The following SAE1 variants were observed in gnomAD, a reference collection of about 807,000 sequenced individuals.
The protein encoded by SAE1 is SUMO-activating enzyme subunit 1.
SAE1 carries 11 observed loss-of-function variants against 40.6 expected under a neutral mutation model. The ratio of observed to expected loss-of-function variants is 0.27; its 90% CI spans 0.17 to 0.45. The LOEUF is 0.45. Among genes scored for constraint, SAE1 ranks in the 20% least tolerant of loss-of-function variants. The pLI, the probability that SAE1 is intolerant of heterozygous loss-of-function variation, is 1.00. For missense variants in SAE1, 373 were observed against 427.3 expected (o/e 0.87, Z 1.12); for synonymous variants, 155 against 154.3 (o/e 1.00, Z -0.03).
intron 6 of SAE1, among the ~76,000 whole-genome samples, chr19:47,172,133 G>C (rs1391517235): frequency 6.6e-6 from 1 of 152,162 alleles, no homozygotes; most frequent in East Asian, 1.9e-4. Context: ...TGGCCAGGCT[G>C]GCCTCAAACT....
chr19:47,162,415 T>C (rs1231938023), intron 5 of SAE1, among the ~76,000 whole-genome samples: 1 of 152,228 alleles, frequency 6.6e-6, no homozygotes, highest in East Asian at 1.9e-4. Flanking sequence ...CCCGTTAAGT[T>C]ACTCTCAAGT....
At position 47,204,187 on chromosome 19, in the gene SAE1, C is replaced by CTTTTTTTTTTTTT. The variant is rs57736880; in HGVS notation, c.948+463_948+475dup. ...CATCACCATGACATCAAAGCCCTCC[C>CTTTTTTTTTTTTT]TTTTTTTTTTTTTTTTTTTTTTTTT... On this transcript the variant is annotated intron_variant, in intron 8 of 8. Transcript: ENST00000270225. Among the ~76,000 whole-genome samples the CTTTTTTTTTTTTT allele has an allele frequency of 3.7e-5, 3 of 82,126 alleles. 1 individual carries two copies. Among genetic ancestry groups the CTTTTTTTTTTTTT allele is most frequent in the African/African-American group, 1.7e-4 (3 of 17,236 alleles). 53.9% of individuals were successfully genotyped at this position (82,126 alleles called of 152,430 possible). A position where few individuals can be genotyped will look rare whatever the true frequency, so the allele number is the denominator to read the frequency against.
At chr19:47,137,917 C>T (rs576067576) in intron 1 of SAE1, among the ~76,000 whole-genome samples, 2 of 151,778 alleles carry the variant, frequency 1.3e-5, no homozygotes, top group South Asian at 2.1e-4. Context: ...TTAGTAGAGA[C>T]GGGGTTTTAC....
At chr19:47,200,339 ACT>A (rs991483561) in intron 7 of SAE1, among the ~76,000 whole-genome samples, 9 of 135,842 alleles carry the variant, frequency 6.6e-5, no homozygotes, top group African/African-American at 2.0e-4. Flanking sequence ...CTCAGGCAAC[ACT>A]CTCATCTCGG....
chr19:47,203,162 G>T (rs1324713585), intron 7 of SAE1, among the ~76,000 whole-genome samples: 1 of 152,164 alleles, frequency 6.6e-6, no homozygotes, highest in Non-Finnish European at 1.5e-5. Flanking sequence ...CCCCATCCTG[G>T]CCCAGAAGGG....
At chr19:47,163,247 C>T (rs1341814455) in intron 5 of SAE1, among the ~76,000 whole-genome samples, 1 of 140,302 alleles carries the variant, frequency 7.1e-6, no homozygotes, top group African/African-American at 2.7e-5. Flanking sequence ...GCTTGGAGTA[C>T]ATCCAAAAAA....
intron 6 of SAE1, chr19:47,180,401 A>AACAAGGAATT (rs2123275792): frequency 2.7e-6 from 1 of 376,202 alleles, no homozygotes; most frequent in African/African-American, 2.1e-5. Flanking sequence ...AATTAATGTA[A>AACAAGGAATT]ACAAGGAATT....
At chr19:47,163,921 T>G (rs1600173691) in intron 5 of SAE1, among the ~76,000 whole-genome samples, 1 of 150,162 alleles carries the variant, frequency 6.7e-6, no homozygotes, top group Non-Finnish European at 1.5e-5. Context: ...AGGCTTGTGC[T>G]ACCACACCCG....
At chr19:47,151,398 G>C (rs373841441) in intron 3 of SAE1, among the ~76,000 whole-genome samples, 3 of 152,188 alleles carry the variant, frequency 2.0e-5, no homozygotes, top group South Asian at 4.1e-4. Context: ...TAATCCACCT[G>C]CCTCGGCCTC....
chr19:47,178,976 A>C (rs74831440), intron 6 of SAE1, among the ~76,000 whole-genome samples: 164 of 150,674 alleles, frequency 1.1e-3, no homozygotes, highest in African/African-American at 3.8e-3. Flanking sequence ...GGTGGCTCAC[A>C]GGGTCAGGAG....
intron 6 of SAE1, among the ~76,000 whole-genome samples, chr19:47,182,499 G>GCGCA (rs1300606747): frequency 5.4e-5 from 8 of 148,176 alleles, no homozygotes; most frequent in South Asian, 2.1e-4. Context: ...GTGTGTGTGC[G>GCGCA]CGCACGCACG....
intron 6 of SAE1, among the ~76,000 whole-genome samples, chr19:47,193,825 C>CAAAA (rs1174941973): frequency 1.1e-5 from 1 of 87,810 alleles, no homozygotes. Context: ...AAGATTGTCT[C>CAAAA]AAAAAAAAAA....
At chr19:47,204,505 C>T (rs1457475283) in intron 8 of SAE1, among the ~76,000 whole-genome samples, 1 of 140,302 alleles carries the variant, frequency 7.1e-6, no homozygotes, top group African/African-American at 2.7e-5. Context: ...GCCGCACCCC[C>T]CCCCTTTTTT....
chr19:47,162,819 C>G (rs1397298341), intron 5 of SAE1, among the ~76,000 whole-genome samples: 2 of 151,978 alleles, frequency 1.3e-5, no homozygotes, highest in Non-Finnish European at 2.9e-5. Context: ...GGCTAAAACC[C>G]CTTCTCTACC....
Position 47,149,623 on chromosome 19 carries a change from G to T in SAE1, c.211-579G>T, listed in dbSNP as rs536416062. Among the ~76,000 whole-genome samples the T allele has an allele frequency of 7.9e-5, 12 of 152,206 alleles. No individual in the cohort carries two copies. The South Asian group carries it at 2.1e-3, about 26-fold the overall frequency. Reference sequence around the variant, plus strand: ...GTCATTTGTTAGCAGTTACAAATTTGCATAGAAGAAGAAAGCATGGATTTT... The same window carrying T: ...GTCATTTGTTAGCAGTTACAAATTTTCATAGAAGAAGAAAGCATGGATTTT... On this transcript the variant is annotated intron_variant, in intron 2 of 8. Coordinates refer to ENST00000270225, the MANE Select transcript of SAE1 (RefSeq NM_005500.3).
intron 6 of SAE1, among the ~76,000 whole-genome samples, chr19:47,178,197 C>T (rs903993603): frequency 7.2e-6 from 1 of 139,506 alleles, no homozygotes; most frequent in Non-Finnish European, 1.6e-5. Context: ...GAGCTGAGGT[C>T]GCGCCACTGC....
intron 1 of SAE1, among the ~76,000 whole-genome samples, chr19:47,133,136 C>G (rs2058157319): frequency 6.6e-6 from 1 of 152,164 alleles, no homozygotes; most frequent in South Asian, 2.1e-4. Context: ...TGGCAGGAAC[C>G]AAATGATTTG....
chr19:47,182,669 A>G (rs1189258378), intron 6 of SAE1, among the ~76,000 whole-genome samples: 1 of 152,032 alleles, frequency 6.6e-6, no homozygotes, highest in Non-Finnish European at 1.5e-5. Context: ...TCATGAGAGA[A>G]CAGAACTGGT....
intron 2 of SAE1, among the ~76,000 whole-genome samples, chr19:47,146,135 AAGT>A (rs536551034): frequency 3.7e-4 from 57 of 152,166 alleles, no homozygotes; most frequent in Admixed American, 1.9e-3. Flanking sequence ...TGGAAGCTAA[AAGT>A]AGTTTGGTGT....
Sources: allele counts gnomAD v4.1 joint callset (sites outside exome capture counted in the v4.1 genomes callset), GRCh38; gene constraint gnomAD v4.1.1; transcripts MANE v1.5; gene names NCBI Gene and HGNC (gene_info 2026-07-23, HGNC 2026-07-21).